Variants in BNC2 observed in about 807,000 individuals in gnomAD.
BNC2 encodes zinc finger protein basonuclin-2.
In BNC2, 20 loss-of-function variants were observed where a neutral mutation model predicts 76.3. The observed-to-expected ratio is 0.26, with a 90% CI of 0.18 to 0.38. The LOEUF is 0.38. BNC2 is among the 10% of genes least tolerant of loss of function. The pLI is 1.00. For missense variants in BNC2, 1,382 were observed against 1,399.8 expected (o/e 0.99, Z 0.20); for synonymous variants, 582 against 514.8 (o/e 1.13, Z -1.77).
rs988081566 is a variant in BNC2 at position 16,418,131 on chromosome 9, G to A, written c.*858C>T. On this transcript the variant is annotated 3_prime_UTR_variant, in exon 7 of 7. Transcript: ENST00000380672. Reference sequence around the variant, plus strand: ...GCAATAGTTTAAGGATAAAAAAGAAGCATGGTTATTACACATCCCCTTGTA... The same window carrying A: ...GCAATAGTTTAAGGATAAAAAAGAAACATGGTTATTACACATCCCCTTGTA... 3.3e-5 allele frequency: 5 copies of A among 152,568 alleles called. No homozygotes were observed. In the South Asian group the frequency reaches 8.3e-4, roughly 25 times the overall value. 9.5% of individuals were successfully genotyped at this position (152,568 alleles called of 1,614,324 possible).
chr9:16,584,110 T>G (rs1017041585), intron 3 of BNC2, among the ~76,000 whole-genome samples: 21 of 152,260 alleles, frequency 1.4e-4, no homozygotes, highest in East Asian at 9.6e-4. Context: ...ATTCGCAGAT[T>G]AACAATCTAC....
chr9:16,770,445 T>G (rs7033231), intron 1 of BNC2, among the ~76,000 whole-genome samples: 14,244 of 152,182 alleles, frequency 0.094, 2,080 homozygotes, highest in African/African-American at 0.32. Flanking sequence ...AACTTGGTCT[T>G]TGGCTTAAGA....
intron 2 of BNC2, among the ~76,000 whole-genome samples, chr9:16,730,890 C>CA: frequency 6.6e-6 from 1 of 152,112 alleles, no homozygotes; most frequent in Non-Finnish European, 1.5e-5. Flanking sequence ...AGCTCTGTTA[C>CA]AAAAAGAGAC....
chr9:16,603,164 G>C (rs1266548757), intron 3 of BNC2, among the ~76,000 whole-genome samples: 1 of 152,126 alleles, frequency 6.6e-6, no homozygotes, highest in African/African-American at 2.4e-5. Flanking sequence ...ATCCTTCCTT[G>C]GTCCAGGAAG....
At chr9:16,684,901 CAAA>C (rs57737264) in intron 3 of BNC2, among the ~76,000 whole-genome samples, 6 of 147,414 alleles carry the variant, frequency 4.1e-5, no homozygotes, top group Admixed American at 1.4e-4. Context: ...ACAGTTTCAC[CAAA>C]AAAAAAAAAA....
At chr9:16,773,184 A>C (rs1161999534) in intron 1 of BNC2, among the ~76,000 whole-genome samples, 2 of 152,184 alleles carry the variant, frequency 1.3e-5, no homozygotes, top group African/African-American at 2.4e-5. Context: ...TGCAGTTCAT[A>C]AAATGTTTGC....
At chr9:16,776,737 T>A (rs886798965) in intron 1 of BNC2, among the ~76,000 whole-genome samples, 35 of 152,192 alleles carry the variant, frequency 2.3e-4, no homozygotes, top group African/African-American at 7.0e-4. Context: ...AAATTTGAGG[T>A]GATATGATGG....
chr9:16,610,417 T>C (rs1820512393), intron 3 of BNC2, among the ~76,000 whole-genome samples: 2 of 152,140 alleles, frequency 1.3e-5, no homozygotes, highest in African/African-American at 4.8e-5. Context: ...CAACAATGTA[T>C]GTATGACAAG....
chr9:16,715,080 T>C (rs952319083), intron 3 of BNC2, among the ~76,000 whole-genome samples: 3 of 152,188 alleles, frequency 2.0e-5, no homozygotes, highest in African/African-American at 7.2e-5. Flanking sequence ...CCCACAAAGA[T>C]TCAGGGCCAA....
At chr9:16,503,963 T>C (rs1007879271) in intron 5 of BNC2, among the ~76,000 whole-genome samples, 1 of 152,170 alleles carries the variant, frequency 6.6e-6, no homozygotes, top group Non-Finnish European at 1.5e-5. Context: ...AATAACCTTG[T>C]AGTGAATCAG....
chr9:16,594,405 T>C (rs1820011099), intron 3 of BNC2, among the ~76,000 whole-genome samples: 1 of 152,116 alleles, frequency 6.6e-6, no homozygotes, highest in African/African-American at 2.4e-5. Flanking sequence ...CTCTAAATCT[T>C]TACCCTCTTT....
In BNC2 at chr9:16,634,261, T is replaced by C. The variant is rs115198961; in HGVS notation, c.331-51176A>G. Among the ~76,000 whole-genome samples the C allele has an allele frequency of 1.2e-3, 188 of 152,308 alleles. 1 individual carries two copies. The highest frequency in any genetic ancestry group is 4.3e-3 in the African/African-American group (180 of 41,566). On this transcript the variant is annotated intron_variant, in intron 3 of 6. Coordinates refer to ENST00000380672, the MANE Select transcript of BNC2 (RefSeq NM_017637.6). ...TTTTTTTCCTTCAATATACTGTATC[T>C]ATTCCTCTATTATTAAGTTCTGAGC...
intron 3 of BNC2, among the ~76,000 whole-genome samples, chr9:16,620,049 C>T (rs956003333): frequency 6.6e-6 from 1 of 152,118 alleles, no homozygotes; most frequent in Non-Finnish European, 1.5e-5. Context: ...CAAACAAAAA[C>T]CCCCACTTTG....
chr9:16,418,453 G>A lies in BNC2; in HGVS notation c.*536C>T, dbSNP rs1352979963. On this transcript the variant is annotated 3_prime_UTR_variant, in exon 7 of 7. Transcript: ENST00000380672. ...TTGTTTTACATCAATGGCCCCTCAA[G>A]GCTAAATATTTACAGGTGAATCTGC... The A allele has an allele frequency of 5.4e-5, 3 of 55,370 alleles. No homozygotes were observed. The highest frequency in any genetic ancestry group is 2.2e-4 in the African/African-American group (3 of 13,926). 3.4% of individuals were successfully genotyped at this position (55,370 alleles called of 1,614,324 possible). A position where few individuals can be genotyped will look rare whatever the true frequency, so the allele number is the denominator to read the frequency against.
intron 3 of BNC2, among the ~76,000 whole-genome samples, chr9:16,711,077 G>A (rs1007125232): frequency 6.6e-6 from 1 of 151,558 alleles, no homozygotes; most frequent in Non-Finnish European, 1.5e-5. Flanking sequence ...TACGTGACAC[G>A]ATTTGAGCAG....
intron 5 of BNC2, among the ~76,000 whole-genome samples, chr9:16,486,369 A>G (rs932393162): frequency 6.6e-6 from 1 of 152,166 alleles, no homozygotes; most frequent in African/African-American, 2.4e-5. Context: ...GTGGGACTTG[A>G]TGTTCCTTCT....
At chr9:16,807,794 A>G (rs2135811838) in intron 1 of BNC2, among the ~76,000 whole-genome samples, 1 of 152,376 alleles carries the variant, frequency 6.6e-6, no homozygotes, top group African/African-American at 2.4e-5. Flanking sequence ...CTGACACCTG[A>G]AAATTATCTT....
At chr9:16,693,158 TG>T (rs1264804850) in intron 3 of BNC2, among the ~76,000 whole-genome samples, 1 of 141,672 alleles carries the variant, frequency 7.1e-6, no homozygotes, top group East Asian at 2.1e-4. Context: ...AAGACTTCAC[TG>T]GGGGATGAGG....
intron 3 of BNC2, among the ~76,000 whole-genome samples, chr9:16,661,469 A>C (rs777155995): frequency 3.4e-5 from 5 of 147,514 alleles, no homozygotes; most frequent in Admixed American, 6.8e-5. Context: ...CCAGAGATGA[A>C]AACAAAGCTA....
Sources: gnomAD v4.1 joint callset for allele counts (sites outside exome capture counted in the v4.1 genomes callset) on GRCh38, gnomAD v4.1.1 for gene constraint, MANE v1.5 for transcripts, NCBI Gene and HGNC (gene_info 2026-07-23, HGNC 2026-07-21) for gene names.